The following SF3B3 variants were observed in gnomAD, a reference collection of about 807,000 sequenced individuals.
SF3B3 encodes splicing factor 3b subunit 3, also known as SAP 130.
SF3B3 carries 33 observed loss-of-function variants against 139.2 expected under a neutral mutation model. That is an observed-to-expected ratio of 0.24 (90% CI 0.18 to 0.32). SF3B3 has a LOEUF of 0.32. SF3B3 is among the 10% of genes least tolerant of loss of function. The pLI is 1.00. For synonymous variants in SF3B3, 596 were observed against 563.6 expected (o/e 1.06, Z -0.81); for missense variants, 818 against 1,509.4 (o/e 0.54, Z 7.59).
intron 23 of SF3B3, 117 bp downstream of exon 23, chr16:70,569,258 G>C (rs1007041954): frequency 3.0e-6 from 2 of 669,622 alleles, no homozygotes; most frequent in Admixed American, 5.9e-5. Flanking sequence ...GCTGAGTGCT[G>C]TCCGTCCACA....
chr16:70,541,655 C>G lies in SF3B3; in HGVS notation c.1068-14C>G, dbSNP rs1043693867. The G allele has an allele frequency of 3.7e-6, 6 of 1,610,762 alleles. No individual in the cohort carries two copies. In the African/African-American group the frequency reaches 5.3e-5, roughly 14 times the overall value. On this transcript the variant is annotated splice_polypyrimidine_tract_variant and intron_variant, in intron 8 of 25. Transcript: ENST00000302516. The stretch of plus-strand genomic sequence containing the variant: ...ACTCGTTACCGAAAGTTTCTCTCCT[C>G]TGCTTCTTCCCAGTTACTTATATCA...
chr16:70,570,924 G>GT (rs1180476496), intron 24 of SF3B3, among the ~76,000 whole-genome samples, 171 bp from the exon 25 acceptor site: 2 of 152,178 alleles, frequency 1.3e-5, no homozygotes, highest in African/African-American at 2.4e-5. Context: ...TCCTTTTGGG[G>GT]TTTAACTATC....
rs151086841 is a variant in SF3B3 at position 70,532,468 on chromosome 16, A to C, written c.571-11A>C. On this transcript the variant is annotated splice_polypyrimidine_tract_variant and intron_variant, in intron 4 of 25. Transcript: ENST00000302516. ...GCTGATGATTAGTTTTTATGCCACTATTCTCTGTAGGAAGCAGACAATGAT... is the reference window on the plus strand; with the variant it reads ...GCTGATGATTAGTTTTTATGCCACTCTTCTCTGTAGGAAGCAGACAATGAT... The C allele has an allele frequency of 3.1e-6, 5 of 1,613,108 alleles. No homozygotes were observed. The highest frequency in any genetic ancestry group is 3.3e-5 in the Admixed American group (2 of 59,922).
At chr16:70,562,421 A>G (rs1467830678) in intron 17 of SF3B3, among the ~76,000 whole-genome samples, 2 of 152,200 alleles carry the variant, frequency 1.3e-5, no homozygotes, top group African/African-American at 4.8e-5. Flanking sequence ...TTGCTTATCA[A>G]ATGAGCTCCC....
chr16:70,554,960 G>C (rs2050365848), intron 12 of SF3B3, 91 bp from the exon 13 acceptor site: 4 of 1,303,236 alleles, frequency 3.1e-6, no homozygotes, highest in Non-Finnish European at 4.3e-6. Context: ...CCCCAGGTCT[G>C]ATTTTAGTGA....
chr16:70,531,806 A>G (rs1187661472), intron 4 of SF3B3, among the ~76,000 whole-genome samples: 1 of 152,386 alleles, frequency 6.6e-6, no homozygotes, highest in Non-Finnish European at 1.5e-5. Flanking sequence ...CCTTTAACGG[A>G]AGGCAGTATC....
chr16:70,571,833 G>T lies in SF3B3; in HGVS notation c.*20G>T. The T allele has an allele frequency of 6.2e-7, 1 of 1,602,634 alleles. No homozygotes were observed. Among genetic ancestry groups the T allele is most frequent in the Non-Finnish European group, 8.5e-7 (1 of 1,175,804 alleles). On this transcript the variant is annotated 3_prime_UTR_variant, in exon 26 of 26. Transcript: ENST00000302516. ...TTCTGAGCCCTCCTTTCCCGGTGGG[G>T]CTTGCCAGAGACTGTGTGTTTTGTT...
At chr16:70,564,287 A>C (rs973714010) in intron 18 of SF3B3, among the ~76,000 whole-genome samples, 3 of 152,128 alleles carry the variant, frequency 2.0e-5, no homozygotes, top group African/African-American at 7.2e-5. Context: ...CAGGAGGATC[A>C]CTTGAGCCCA....
rs574013099 is a variant in SF3B3 at position 70,538,929 on chromosome 16, G to C, written c.964-175G>C. ...TCAATTACTCAACTCTGCCATTATA[G>C]TACAAGACAGCCACAGCCAGTAATG... On this transcript the variant is annotated intron_variant, in intron 7 of 25. Transcript: ENST00000302516. 3.3e-4 allele frequency among the ~76,000 whole-genome samples: 50 copies of C among 152,308 alleles called. No individual in the cohort carries two copies. The South Asian group carries it at 9.1e-3, about 28-fold the overall frequency.
chr16:70,554,990 G>C, intron 12 of SF3B3, 61 bp from the exon 13 acceptor site: 1 of 1,511,622 alleles, frequency 6.6e-7, no homozygotes, highest in Non-Finnish European at 9.1e-7. Context: ...TAGATGTGAG[G>C]GTCATTCTGA....
chr16:70,545,214 G>A (rs562095601), intron 10 of SF3B3, among the ~76,000 whole-genome samples: 3 of 152,142 alleles, frequency 2.0e-5, no homozygotes, highest in East Asian at 1.9e-4. Flanking sequence ...CTGCAGGCAC[G>A]TGCCACAACA....
chr16:70,556,707 G>C (rs577021341), intron 14 of SF3B3, 179 bp from the exon 15 acceptor site: 1 of 656,302 alleles, frequency 1.5e-6, no homozygotes, highest in Admixed American at 2.8e-5. Flanking sequence ...TGATCTTCCC[G>C]AAGCTTATTC....
At chr16:70,567,369 C>G in intron 20 of SF3B3, 42 bp from the exon 21 acceptor site, 1 of 1,584,612 alleles carries the variant, frequency 6.3e-7, no homozygotes, top group Non-Finnish European at 8.6e-7. Context: ...CTGTGTCTGG[C>G]TGGCATTTAT....
At chr16:70,558,790 T>C (rs2050401700) in intron 15 of SF3B3, among the ~76,000 whole-genome samples, 1 of 151,972 alleles carries the variant, frequency 6.6e-6, no homozygotes, top group African/African-American at 2.4e-5. Flanking sequence ...AGAGATGGGG[T>C]TTTGCCATGT....
At chr16:70,548,571 C>T in intron 11 of SF3B3, 129 bp downstream of exon 11, 1 of 765,104 alleles carries the variant, frequency 1.3e-6, no homozygotes, top group Admixed American at 2.3e-5. Context: ...CTTTCTGGCC[C>T]AACACTGTTT....
intron 15 of SF3B3, among the ~76,000 whole-genome samples, chr16:70,559,944 T>C (rs1361106536): frequency 6.6e-6 from 1 of 152,070 alleles, no homozygotes. Context: ...AATTGACTCA[T>C]TCTAGAAAAG....
intron 2 of SF3B3, among the ~76,000 whole-genome samples, chr16:70,528,465 T>G (rs1463974445): frequency 2.9e-5 from 1 of 34,460 alleles, no homozygotes; most frequent in Non-Finnish European, 4.8e-5. Context: ...GTGCGTGGCC[T>G]TTTTTTTTTT....
chr16:70,552,766 A>G (rs572277498), intron 11 of SF3B3, among the ~76,000 whole-genome samples: 17 of 152,352 alleles, frequency 1.1e-4, no homozygotes, highest in African/African-American at 3.8e-4. Flanking sequence ...CAAAAGTTTC[A>G]CAAAACAGTA....
intron 2 of SF3B3, among the ~76,000 whole-genome samples, chr16:70,527,921 G>A (rs903020282): frequency 6.6e-6 from 1 of 151,028 alleles, no homozygotes; most frequent in Admixed American, 6.6e-5. Context: ...GATTACATGC[G>A]TGCACCACCA....
Sources: allele counts gnomAD v4.1 joint callset (sites outside exome capture counted in the v4.1 genomes callset), GRCh38; gene constraint gnomAD v4.1.1; transcripts MANE v1.5; gene names NCBI Gene and HGNC (gene_info 2026-07-23, HGNC 2026-07-21).